The following MOSMO variants were observed in gnomAD, a reference collection of about 807,000 sequenced individuals.
The protein encoded by MOSMO is modulator of smoothened.
Under a neutral mutation model 18.4 loss-of-function variants are expected in MOSMO, and 5 were observed. That is an observed-to-expected ratio of 0.27 (90% CI 0.14 to 0.57). The LOEUF (loss-of-function observed/expected upper bound fraction) is 0.57, where lower values mean the gene tolerates loss of function less well. Among genes scored for constraint, MOSMO ranks in the 20% least tolerant of loss-of-function variants. The probability of loss-of-function intolerance (pLI) is 0.92; values close to 1 mark genes in which losing one functional copy is unlikely to be tolerated. For missense variants in MOSMO, 138 were observed against 211.8 expected, an observed-to-expected ratio of 0.65 and a Z score of 2.16; for synonymous variants, 82 against 82.3, an observed-to-expected ratio of 1.00 and a Z score of 0.02.
intron 1 of MOSMO, chr16:22,064,531 C>T: frequency 1.4e-5 from 6 of 426,852 alleles, no homozygotes; most frequent in Non-Finnish European, 2.4e-5. Flanking sequence ...AATTTAAATT[C>T]CATTTTAACC....
intron 1 of MOSMO, among the ~76,000 whole-genome samples, chr16:22,067,740 G>A (rs928167596): frequency 2.2e-4 from 34 of 152,070 alleles, no homozygotes; most frequent in Non-Finnish European, 3.5e-4. Flanking sequence ...TTAGCTGGAC[G>A]TGGTGGCACA....
At position 22,081,557 on chromosome 16, in the gene MOSMO, CTTATAT is replaced by C. The variant is rs1412130101; in HGVS notation, c.*684_*689del. ...GGGTGGGTGGGTGGGGGAAATCTTC[CTTATAT>C]TTATATAAATATATATAATATATAT... is the stretch of plus-strand genomic sequence containing the variant. On this transcript the variant is annotated 3_prime_UTR_variant, in exon 3 of 3. Coordinates refer to ENST00000542527, the MANE Select transcript of MOSMO (RefSeq NM_001164579.2). 1 of 146,180 alleles carries C rather than the reference CTTATAT, an allele frequency of 6.8e-6. No individual in the cohort carries two copies. Among genetic ancestry groups the C allele is most frequent in the African/African-American group, 2.5e-5 (1 of 40,130 alleles). The allele number at this position is 146,180 out of a possible 1,614,324, so 9.1% of individuals were successfully genotyped here.
chr16:22,037,591 C>T (rs1900132362), intron 1 of MOSMO, among the ~76,000 whole-genome samples: 1 of 152,158 alleles, frequency 6.6e-6, no homozygotes, highest in Non-Finnish European at 1.5e-5. Flanking sequence ...CAGTTGCAAG[C>T]CTCGGGTTGT....
At chr16:22,063,928 G>A (rs1300112722) in intron 1 of MOSMO, among the ~76,000 whole-genome samples, 2 of 152,188 alleles carry the variant, frequency 1.3e-5, no homozygotes, top group Non-Finnish European at 2.9e-5. Context: ...AGGGAAGTTA[G>A]CATCATGTGC....
chr16:22,025,847 G>C (rs1010189714), intron 1 of MOSMO, among the ~76,000 whole-genome samples: 6 of 152,192 alleles, frequency 3.9e-5, no homozygotes, highest in African/African-American at 1.2e-4. Context: ...TGTTTTTATA[G>C]TGTGCTGTTT....
intron 1 of MOSMO, among the ~76,000 whole-genome samples, chr16:22,057,301 G>A (rs893148747): frequency 2.0e-5 from 3 of 152,188 alleles, no homozygotes; most frequent in African/African-American, 7.2e-5. Context: ...CTTTCAAGAT[G>A]GGTCCTTGAT....
chr16:22,029,094 A>T (rs977956185), intron 1 of MOSMO, among the ~76,000 whole-genome samples: 2 of 151,480 alleles, frequency 1.3e-5, no homozygotes, highest in Non-Finnish European at 2.9e-5. Context: ...CTGGTCTCGA[A>T]CTCCTGACCT....
chr16:22,039,931 A>G (rs1900179060), intron 1 of MOSMO, among the ~76,000 whole-genome samples: 1 of 152,186 alleles, frequency 6.6e-6, no homozygotes. Context: ...CTCCACTAGA[A>G]TATATGCTTC....
chr16:22,048,349 T>A (rs1324867876), intron 1 of MOSMO, among the ~76,000 whole-genome samples: 2 of 152,152 alleles, frequency 1.3e-5, no homozygotes, highest in African/African-American at 4.8e-5. Context: ...TGTATAAGAG[T>A]TAACTGATGC....
intron 1 of MOSMO, among the ~76,000 whole-genome samples, chr16:22,025,493 A>G (rs1167517352): frequency 1.3e-5 from 2 of 152,194 alleles, no homozygotes. Context: ...TAGTACCACT[A>G]CTGTAAAGAA....
chr16:22,048,149 G>A (rs1485503014), intron 1 of MOSMO, among the ~76,000 whole-genome samples: 2 of 152,168 alleles, frequency 1.3e-5, no homozygotes, highest in Non-Finnish European at 2.9e-5. Context: ...AAATAACACA[G>A]ATTATAGAGC....
downstream of MOSMO, chr16:22,092,470 C>G: frequency 2.7e-6 from 2 of 731,134 alleles, no homozygotes; most frequent in Non-Finnish European, 4.3e-6. Flanking sequence ...TTCCCTGCCC[C>G]GAGCTGCAGT....
chr16:22,011,989 C>T (rs1482582877), intron 1 of MOSMO, among the ~76,000 whole-genome samples: 2 of 144,742 alleles, frequency 1.4e-5, no homozygotes, highest in Admixed American at 6.8e-5. Flanking sequence ...GAAACATTTA[C>T]AAGAAGTTCA....
intron 1 of MOSMO, among the ~76,000 whole-genome samples, chr16:22,055,928 T>G (rs1900523541): frequency 6.6e-6 from 1 of 152,214 alleles, no homozygotes; most frequent in Non-Finnish European, 1.5e-5. Context: ...ATGCCTGTGT[T>G]TTTCACTAAC....
At chr16:22,029,568 C>T (rs921479352) in intron 1 of MOSMO, among the ~76,000 whole-genome samples, 1 of 152,164 alleles carries the variant, frequency 6.6e-6, no homozygotes, top group South Asian at 2.1e-4. Flanking sequence ...AATGCTGTTG[C>T]ATTCTTAAAA....
At chr16:22,052,477 G>T (rs1254343718) in intron 1 of MOSMO, among the ~76,000 whole-genome samples, 1 of 152,170 alleles carries the variant, frequency 6.6e-6, no homozygotes, top group Non-Finnish European at 1.5e-5. Flanking sequence ...TTAAAGATGT[G>T]TATGAACCTT....
intron 1 of MOSMO, among the ~76,000 whole-genome samples, chr16:22,036,279 A>G (rs1022344388): frequency 6.6e-6 from 1 of 151,942 alleles, no homozygotes; most frequent in African/African-American, 2.4e-5. Flanking sequence ...GGTGCACACC[A>G]CCATGCCTGG....
intron 1 of MOSMO, among the ~76,000 whole-genome samples, chr16:22,010,936 A>G (rs559642995): frequency 5.9e-5 from 9 of 151,932 alleles, no homozygotes; most frequent in East Asian, 5.8e-4. Flanking sequence ...GAAAACAGAA[A>G]AAAAAAAAAA....
At chr16:22,041,976 A>G (rs1460265237) in intron 1 of MOSMO, among the ~76,000 whole-genome samples, 1 of 152,152 alleles carries the variant, frequency 6.6e-6, no homozygotes, top group Non-Finnish European at 1.5e-5. Flanking sequence ...GTGAGCCACT[A>G]TGCCTATTCA....
Sources: gnomAD v4.1 joint callset for allele counts (sites outside exome capture counted in the v4.1 genomes callset) on GRCh38, gnomAD v4.1.1 for gene constraint, MANE v1.5 for transcripts, NCBI Gene and HGNC (gene_info 2026-07-23, HGNC 2026-07-21) for gene names.